CDK14: variants seen among roughly 807,000 people sequenced by gnomAD.
The protein encoded by CDK14 is cyclin dependent kinase 14.
A neutral mutation model predicts 60.7 loss-of-function variants in CDK14; 34 were observed. That is an observed-to-expected ratio of 0.56 (90% confidence interval 0.43 to 0.75). The LOEUF is 0.75. CDK14 is among the 30% of genes least tolerant of loss of function. The pLI, the probability that CDK14 is intolerant of heterozygous loss-of-function variation, is 0.00. For missense variants in CDK14, 482 were observed against 564.1 expected (o/e 0.85, Z 1.47); for synonymous variants, 197 against 203.7 (o/e 0.97, Z 0.28).
chr7:91,048,842 A>G (rs192490100), intron 11 of CDK14, among the ~76,000 whole-genome samples: 1 of 151,834 alleles, frequency 6.6e-6, no homozygotes, highest in Non-Finnish European at 1.5e-5. Context: ...TTTACAGTTG[A>G]GTTGTGTTTT....
rs138919688 is a variant in CDK14 at position 91,194,349 on chromosome 7, G to A, written c.*29-12816G>A. 4.7e-3 allele frequency among the ~76,000 whole-genome samples: 719 copies of A among 152,152 alleles called. 1 individual carries two copies. The highest frequency in any genetic ancestry group is 7.4e-3 in the Admixed American group (113 of 15,282). On this transcript the variant is annotated intron_variant, in intron 14 of 14. Transcript: ENST00000380050. ...CATTTCAGGCTCATGCTCATCATGC[G>A]TGACATCTCACACAGAACAACTGAA...
At chr7:90,959,441 A>G (rs1004430426) in intron 9 of CDK14, among the ~76,000 whole-genome samples, 2 of 152,178 alleles carry the variant, frequency 1.3e-5, no homozygotes, top group African/African-American at 2.4e-5. Context: ...TGCATAATCA[A>G]TGACATTGAT....
In CDK14 at chr7:91,121,436, T is replaced by TA. The variant is rs569547097; in HGVS notation, c.*28+3229dup. Among the ~76,000 whole-genome samples the TA allele has an allele frequency of 9.9e-5, 15 of 152,278 alleles. No individual in the cohort carries two copies. In the South Asian group the frequency reaches 2.9e-3, roughly 29 times the overall value. ...TATATTACTTCTGTCTTTGAAATGG[T>TA]AGAGGACTGAGTAGACAAGAATGTT... On this transcript the variant is annotated intron_variant, in intron 14 of 14. Transcript: ENST00000380050.
At chr7:91,068,079 G>T (rs1399783958) in intron 11 of CDK14, among the ~76,000 whole-genome samples, 1 of 152,128 alleles carries the variant, frequency 6.6e-6, no homozygotes, top group Non-Finnish European at 1.5e-5. Flanking sequence ...TTCATACAAA[G>T]AACTGTTCCT....
At chr7:90,648,994 G>A (rs977089180) in intron 2 of CDK14, among the ~76,000 whole-genome samples, 3 of 152,088 alleles carry the variant, frequency 2.0e-5, no homozygotes, top group Admixed American at 6.5e-5. Context: ...AATATGGATA[G>A]CAAACTGTGC....
intron 6 of CDK14, among the ~76,000 whole-genome samples, chr7:90,872,149 C>T (rs1334957357): frequency 6.6e-6 from 1 of 152,136 alleles, no homozygotes; most frequent in African/African-American, 2.4e-5. Context: ...ACGAGGTAAA[C>T]CTCCATAAGC....
At chr7:90,691,199 A>G (rs1290906946) in intron 2 of CDK14, among the ~76,000 whole-genome samples, 1 of 152,132 alleles carries the variant, frequency 6.6e-6, no homozygotes, top group Non-Finnish European at 1.5e-5. Context: ...CCATGAGGGT[A>G]CAACTGTGGA....
intron 10 of CDK14, among the ~76,000 whole-genome samples, chr7:91,012,975 G>C (rs1796204130): frequency 6.6e-6 from 1 of 152,142 alleles, no homozygotes; most frequent in Admixed American, 6.5e-5. Context: ...ACCATGCTCT[G>C]GCCAGTCACT....
intron 6 of CDK14, among the ~76,000 whole-genome samples, chr7:90,896,789 T>A (rs2117343569): frequency 6.6e-6 from 1 of 152,332 alleles, no homozygotes; most frequent in East Asian, 1.9e-4. Flanking sequence ...TTGTATGTCT[T>A]AGAGTTGATG....
intron 5 of CDK14, among the ~76,000 whole-genome samples, chr7:90,793,132 CTGAT>C (rs1805903786): frequency 3.3e-5 from 5 of 152,122 alleles, no homozygotes; most frequent in African/African-American, 7.2e-5. Flanking sequence ...GAGACCTTGT[CTGAT>C]TGTTCACTGC....
intron 5 of CDK14, among the ~76,000 whole-genome samples, chr7:90,807,288 G>A (rs958602074): frequency 1.3e-5 from 2 of 152,306 alleles, no homozygotes; most frequent in Non-Finnish European, 1.5e-5. Context: ...GAATGATCAG[G>A]CAGCAACATT....
At chr7:90,764,459 C>T (rs538759788) in intron 4 of CDK14, among the ~76,000 whole-genome samples, 1 of 152,130 alleles carries the variant, frequency 6.6e-6, no homozygotes, top group African/African-American at 2.4e-5. Context: ...TGCTCCCAGT[C>T]TATTTAGCAC....
At chr7:90,858,854 C>A (rs901088423) in intron 5 of CDK14, among the ~76,000 whole-genome samples, 1 of 152,088 alleles carries the variant, frequency 6.6e-6, no homozygotes, top group Non-Finnish European at 1.5e-5. Flanking sequence ...GGCTACTGGG[C>A]TAGTTGAATA....
chr7:90,746,401 CA>C (rs1175206657), intron 3 of CDK14, among the ~76,000 whole-genome samples: 1 of 152,112 alleles, frequency 6.6e-6, no homozygotes, highest in African/African-American at 2.4e-5. Flanking sequence ...ATAAGTGATA[CA>C]GGTGTATATT....
rs1375098549 is a variant in CDK14 at position 90,726,584 on chromosome 7, G to A, written c.141G>A (p.Met47Ile). The change falls in exon 3 of 15, where the codon ATG (methionine) becomes ATA (isoleucine). Residue 47 changes from methionine to isoleucine, a missense_variant. Coordinates refer to ENST00000380050, the MANE Select transcript of CDK14 (RefSeq NM_001287135.2). Reference protein sequence around the residue: ...TTFDEICVTKMSTRNCQGMDS... With the variant: ...TTFDEICVTKISTRNCQGMDS... Reference sequence around the variant, plus strand: ...TTTCTCAGATATGTGTCACAAAGATGTCTACACGGAACTGCCAGGGAATGG... The same window carrying A: ...TTTCTCAGATATGTGTCACAAAGATATCTACACGGAACTGCCAGGGAATGG... The A allele has an allele frequency of 1.9e-6, 3 of 1,613,304 alleles. No individual in the cohort carries two copies. The highest frequency in any genetic ancestry group is 1.7e-6 in the Non-Finnish European group (2 of 1,179,592).
chr7:90,868,300 T>TAC (rs761949042), intron 6 of CDK14, among the ~76,000 whole-genome samples: 13 of 141,620 alleles, frequency 9.2e-5, no homozygotes, highest in Admixed American at 7.1e-5. Flanking sequence ...ACTATATATA[T>TAC]ATACACACAC....
intron 4 of CDK14, among the ~76,000 whole-genome samples, chr7:90,787,856 A>G (rs2116956833): frequency 6.6e-6 from 1 of 152,318 alleles, no homozygotes; most frequent in East Asian, 1.9e-4. Flanking sequence ...TTATGCAGTT[A>G]CCATAGAAAA....
At chr7:91,122,553 T>C (rs1025656907) in intron 14 of CDK14, among the ~76,000 whole-genome samples, 1 of 152,118 alleles carries the variant, frequency 6.6e-6, no homozygotes, top group African/African-American at 2.4e-5. Flanking sequence ...TGGAAACTGC[T>C]CCTAAAGAAC....
chr7:91,186,141 T>C (rs1371968450), intron 14 of CDK14, among the ~76,000 whole-genome samples: 7 of 10,976 alleles, frequency 6.4e-4, no homozygotes, highest in Non-Finnish European at 7.3e-4. Context: ...CCCTCCCCTC[T>C]CCTCTCCTCT....
Sources: allele counts gnomAD v4.1 joint callset (sites outside exome capture counted in the v4.1 genomes callset), GRCh38; gene constraint gnomAD v4.1.1; transcripts MANE v1.5; gene names NCBI Gene and HGNC (gene_info 2026-07-23, HGNC 2026-07-21).